CDH23: variants seen among roughly 807,000 people sequenced by gnomAD.
The protein encoded by CDH23 is cadherin related 23.
CDH23 carries 189 observed loss-of-function variants against 317.1 expected under a neutral mutation model. The observed-to-expected ratio is 0.60, with a 90% CI of 0.53 to 0.67. The LOEUF (loss-of-function observed/expected upper bound fraction) is 0.67, where lower values mean the gene tolerates loss of function less well. Ranked by LOEUF, CDH23 falls within the 30% of genes least tolerant of loss-of-function variation. CDH23 has a pLI of 0.00. For missense variants in CDH23, 4,401 were observed against 4,592.4 expected (o/e 0.96, Z 1.20); for synonymous variants, 1,839 against 1,876.8 (o/e 0.98, Z 0.52).
At chr10:71,649,664 G>A (rs531243111) in intron 14 of CDH23, among the ~76,000 whole-genome samples, 10 of 152,326 alleles carry the variant, frequency 6.6e-5, no homozygotes, top group East Asian at 3.9e-4. Flanking sequence ...CACAGTCAGC[G>A]CTGGCAGAAC....
At chr10:71,480,268 C>T (rs766400862) in intron 3 of CDH23, among the ~76,000 whole-genome samples, 12 of 152,240 alleles carry the variant, frequency 7.9e-5, no homozygotes, top group Admixed American at 4.6e-4. Flanking sequence ...CAGTCTGCAG[C>T]GCGTCTGCCC....
chr10:71,734,738 T>G, intron 34 of CDH23, 80 bp downstream of exon 34: 1 of 907,648 alleles, frequency 1.1e-6, no homozygotes. Flanking sequence ...GCCCTGGACC[T>G]TCCCACCTCT....
At chr10:71,631,890 C>G (rs935793646) in intron 11 of CDH23, among the ~76,000 whole-genome samples, 2 of 152,204 alleles carry the variant, frequency 1.3e-5, no homozygotes, top group African/African-American at 4.8e-5. Flanking sequence ...AGAAGCCACT[C>G]GCTATTGCCC....
intron 11 of CDH23, among the ~76,000 whole-genome samples, chr10:71,642,393 C>CTT (rs781291264): frequency 0.43 from 37,121 of 85,350 alleles, 8,733 homozygotes; most frequent in Non-Finnish European, 0.53. Context: ...GGCCCGGCCT[C>CTT]TTTTTTTTTT....
rs2305211 is a variant in CDH23, at chr10:71,694,384, G to A, written c.2289+125G>A. The A allele has an allele frequency of 6.4e-3, 4,601 of 718,368 alleles. 101 individuals carry two copies. The East Asian group carries it at 0.067, about 11-fold the overall frequency. The allele number at this position is 718,368 out of a possible 1,614,324, so 44.5% of individuals were successfully genotyped here. On this transcript the variant is annotated intron_variant, in intron 21 of 69. Coordinates refer to ENST00000224721, the MANE Select transcript of CDH23 (RefSeq NM_022124.6). Reference sequence around the variant, plus strand: ...GCTTTGTGAGAATGAGCAAGGGGGCGAAAATGAACCCATCAGCAGCAGAGG... The same window carrying A: ...GCTTTGTGAGAATGAGCAAGGGGGCAAAAATGAACCCATCAGCAGCAGAGG...
intron 6 of CDH23, among the ~76,000 whole-genome samples, chr10:71,521,752 C>G (rs1269335636): frequency 6.6e-6 from 1 of 152,246 alleles, no homozygotes; most frequent in Non-Finnish European, 1.5e-5. Flanking sequence ...CCGGCCCCGG[C>G]TCTTCACTTA....
intron 1 of CDH23, among the ~76,000 whole-genome samples, chr10:71,438,237 G>A (rs990927276): frequency 4.2e-4 from 6 of 14,218 alleles, no homozygotes; most frequent in East Asian, 2.8e-3. Flanking sequence ...CAGCTACTCG[G>A]GGGGGCTGAG....
intron 11 of CDH23, among the ~76,000 whole-genome samples, chr10:71,618,860 T>C (rs1861329905): frequency 6.6e-6 from 1 of 152,158 alleles, no homozygotes; most frequent in East Asian, 1.9e-4. Flanking sequence ...TGTGTGTACA[T>C]GTGTGTCTCC....
chr10:71,812,877 A>C lies in CDH23; in HGVS notation c.9620A>C (p.Glu3207Ala), dbSNP rs1475468588. 1 of 1,613,394 alleles carries C rather than the reference A, an allele frequency of 6.2e-7. No homozygotes were observed. The highest frequency in any genetic ancestry group is 8.5e-7 in the Non-Finnish European group (1 of 1,179,684). The part of the protein sequence containing the change: ...NIAKLGQIIR[E>A]GPIKGSLLKV... ...GCCAAGCTGGGCCAGATCATTCGTGAGGGGCCAATCAAGGTGAGCCTTCCC... is the reference window on the plus strand; with the variant it reads ...GCCAAGCTGGGCCAGATCATTCGTGCGGGGCCAATCAAGGTGAGCCTTCCC... The change falls in exon 68 of 70, where the codon GAG becomes GCG. Residue 3207 changes from glutamate to alanine, a missense_variant. Glu to Ala is a moderately radical substitution (Grantham distance 107). Around this residue, in one of 3 missense-constraint regions of CDH23, gnomAD observed 1,144 missense variants for 1,138.2 expected, o/e 1.01. Coordinates refer to ENST00000224721, the MANE Select transcript of CDH23 (RefSeq NM_022124.6).
At chr10:71,458,410 C>G (rs779635412) in intron 3 of CDH23, among the ~76,000 whole-genome samples, 1 of 152,226 alleles carries the variant, frequency 6.6e-6, no homozygotes, top group African/African-American at 2.4e-5. Context: ...CACTTATTAG[C>G]GTGTGACCAC....
chr10:71,448,062 A>C (rs1286594073), intron 3 of CDH23, among the ~76,000 whole-genome samples: 1 of 152,226 alleles, frequency 6.6e-6, no homozygotes, highest in Non-Finnish European at 1.5e-5. Flanking sequence ...GCCAGTCACT[A>C]ACTGACCCTG....
chr10:71,511,326 C>T, intron 6 of CDH23, 114 bp downstream of exon 6: 2 of 996,382 alleles, frequency 2.0e-6, no homozygotes, highest in Admixed American at 1.8e-5. Context: ...TCTGCCCAGA[C>T]CTCAGCCCAG....
chr10:71,794,025 G>A (rs535351535), intron 48 of CDH23, among the ~76,000 whole-genome samples: 51 of 152,032 alleles, frequency 3.4e-4, no homozygotes, highest in African/African-American at 1.2e-3. Flanking sequence ...TTTTGAGATG[G>A]AATTTCACTC....
chr10:71,551,273 T>A (rs1030921173), intron 6 of CDH23, among the ~76,000 whole-genome samples: 5 of 152,216 alleles, frequency 3.3e-5, no homozygotes, highest in Non-Finnish European at 4.4e-5. Context: ...GGTATTAGCA[T>A]CCTGCTTAAT....
At chr10:71,539,515 T>C (rs1448313466) in intron 6 of CDH23, among the ~76,000 whole-genome samples, 1 of 152,064 alleles carries the variant, frequency 6.6e-6, no homozygotes, top group Non-Finnish European at 1.5e-5. Context: ...ATGTCAAGCC[T>C]GATGAACTAA....
intron 38 of CDH23, chr10:71,750,948 G>A (rs1304246879): frequency 5.8e-6 from 2 of 343,458 alleles, no homozygotes; most frequent in Non-Finnish European, 1.1e-5. Context: ...GCTGCTGAAG[G>A]GCTGGACGTT....
intron 43 of CDH23, 101 bp downstream of exon 43, chr10:71,785,201 G>A: frequency 1.0e-6 from 1 of 964,754 alleles, no homozygotes; most frequent in South Asian, 1.6e-5. Flanking sequence ...GGCTCCACCG[G>A]GCTCCCGTTC....
intron 14 of CDH23, among the ~76,000 whole-genome samples, chr10:71,665,463 T>C (rs1174473804): frequency 6.6e-6 from 1 of 152,144 alleles, no homozygotes; most frequent in Non-Finnish European, 1.5e-5. Flanking sequence ...GTGTGCCCAC[T>C]GAGGTCGCAG....
chr10:71,665,761 G>A (rs1207381958), intron 14 of CDH23, among the ~76,000 whole-genome samples: 1 of 152,160 alleles, frequency 6.6e-6, no homozygotes, highest in African/African-American at 2.4e-5. Flanking sequence ...CAGAACCCAG[G>A]TCCCACCCCC....
Sources: gnomAD v4.1 joint callset for allele counts (sites outside exome capture counted in the v4.1 genomes callset) on GRCh38, gnomAD v4.1.1 for gene constraint, gnomAD v4.1.1 regional missense constraint, MANE v1.5 for transcripts, NCBI Gene and HGNC (gene_info 2026-07-23, HGNC 2026-07-21) for gene names.